Variants in UBR3 observed in about 807,000 individuals in gnomAD.
UBR3 encodes the protein ubiquitin protein ligase E3 component n-recognin 3.
Under a neutral mutation model 243.2 loss-of-function variants are expected in UBR3, and 85 were observed. That is an observed-to-expected ratio of 0.35 (90% confidence interval 0.29 to 0.42). The LOEUF is 0.42. Ranked by LOEUF, UBR3 falls within the 10% of genes least tolerant of loss-of-function variation. The probability of loss-of-function intolerance (pLI) is 1.00; values close to 1 mark genes in which losing one functional copy is unlikely to be tolerated. For synonymous variants in UBR3, 748 were observed against 799.8 expected, an observed-to-expected ratio of 0.94 and a Z score of 1.09; for missense variants, 1,686 against 2,300.8, an observed-to-expected ratio of 0.73 and a Z score of 5.47.
chr2:169,864,926 A>G (rs867820918), intron 1 of UBR3, among the ~76,000 whole-genome samples: 38 of 150,214 alleles, frequency 2.5e-4, no homozygotes, highest in African/African-American at 4.6e-4. Context: ...AAAAAAAAAA[A>G]AAAGAAAGAA....
At chr2:169,883,930 T>C (rs527356685) in intron 5 of UBR3, among the ~76,000 whole-genome samples, 1 of 152,142 alleles carries the variant, frequency 6.6e-6, no homozygotes, top group East Asian at 1.9e-4. Context: ...CTTCCCAGGT[T>C]CAAGTGATTC....
intron 19 of UBR3, among the ~76,000 whole-genome samples, chr2:169,940,771 C>A (rs891527217): frequency 6.6e-6 from 1 of 152,282 alleles, no homozygotes; most frequent in South Asian, 2.1e-4. Context: ...CAGTTGTCCC[C>A]TCTTATCTGT....
intron 27 of UBR3, among the ~76,000 whole-genome samples, chr2:170,001,872 C>A (rs1414595085): frequency 7.9e-6 from 1 of 126,912 alleles, no homozygotes; most frequent in Non-Finnish European, 1.6e-5. Context: ...GAGGTTGCAC[C>A]ACTGCACTCC....
rs140302002 is a variant in UBR3 at position 170,046,515 on chromosome 2, G to A, written c.4660+5530G>A. On this transcript the variant is annotated intron_variant, in intron 32 of 38. Coordinates refer to ENST00000272793, the MANE Select transcript of UBR3 (RefSeq NM_172070.4). Reference sequence around the variant, plus strand: ...CTTCTGTCCCTGTGTGTGTCCTACAGACTGGCAGATAGATTTAGATGGAAT... The same window carrying A: ...CTTCTGTCCCTGTGTGTGTCCTACAAACTGGCAGATAGATTTAGATGGAAT... Among the ~76,000 whole-genome samples the A allele has an allele frequency of 4.0e-4, 61 of 152,236 alleles. No homozygotes were observed. The East Asian group carries it at 9.5e-3, about 24-fold the overall frequency.
At chr2:169,836,438 A>G (rs918321102) in intron 1 of UBR3, among the ~76,000 whole-genome samples, 2 of 151,848 alleles carry the variant, frequency 1.3e-5, no homozygotes, top group African/African-American at 4.8e-5. Flanking sequence ...GGTGTTAATG[A>G]GAACACATGG....
intron 5 of UBR3, among the ~76,000 whole-genome samples, chr2:169,885,471 C>T (rs1248461533): frequency 1.3e-5 from 2 of 151,946 alleles, no homozygotes; most frequent in Admixed American, 6.6e-5. Flanking sequence ...ATCCTAGCTC[C>T]GGAGGTTGAG....
intron 1 of UBR3, among the ~76,000 whole-genome samples, chr2:169,870,365 G>A (rs867537917): frequency 2.6e-5 from 4 of 152,136 alleles, no homozygotes; most frequent in African/African-American, 4.8e-5. Context: ...CTGGCCTCAA[G>A]TGATCCTTCA....
intron 20 of UBR3, among the ~76,000 whole-genome samples, chr2:169,945,884 A>C (rs559756151): frequency 6.6e-6 from 1 of 152,244 alleles, no homozygotes; most frequent in South Asian, 2.1e-4. Context: ...AGCTACTCAA[A>C]ATACTCAGAG....
chr2:169,994,310 T>C lies in UBR3; in HGVS notation c.3785-13T>C, dbSNP rs375726661. ...ATTATTTTTGATTAATGAGCTTTTA[T>C]CTGTTAATGTAGTTTTGGGGCAGTG... is the stretch of plus-strand genomic sequence containing the variant. On this transcript the variant is annotated splice_polypyrimidine_tract_variant and intron_variant, in intron 25 of 38. Coordinates refer to ENST00000272793, the MANE Select transcript of UBR3 (RefSeq NM_172070.4). 2 of 1,613,464 alleles carry C rather than the reference T, an allele frequency of 1.2e-6. No individual in the cohort carries two copies. Among genetic ancestry groups the C allele is most frequent in the Non-Finnish European group, 1.7e-6 (2 of 1,179,620 alleles).
At chr2:169,892,071 G>A (rs146167462) in intron 6 of UBR3, among the ~76,000 whole-genome samples, 1 of 152,166 alleles carries the variant, frequency 6.6e-6, no homozygotes, top group Admixed American at 6.5e-5. Context: ...ATCTAGGACT[G>A]CCTAGAAAGG....
intron 17 of UBR3, among the ~76,000 whole-genome samples, chr2:169,928,304 A>G (rs768536514): frequency 1.3e-4 from 20 of 151,954 alleles, no homozygotes; most frequent in Non-Finnish European, 2.5e-4. Context: ...TTCTTTGGGG[A>G]TGAAATTTTG....
intron 25 of UBR3, 95 bp from the exon 26 acceptor site, chr2:169,994,228 T>C (rs1461959): frequency 1 from 1,366,685 of 1,372,342 alleles, 680,687 homozygotes; most frequent in East Asian, 1. Context: ...TGAAATAATT[T>C]GAGTTGCTTG....
chr2:170,068,493 C>T (rs750991887), intron 35 of UBR3, among the ~76,000 whole-genome samples: 1 of 151,862 alleles, frequency 6.6e-6, no homozygotes, highest in Non-Finnish European at 1.5e-5. Flanking sequence ...TGAACGAACG[C>T]ATAAAAATTA....
chr2:170,006,448 T>G (rs2105404219), intron 27 of UBR3, among the ~76,000 whole-genome samples: 1 of 152,320 alleles, frequency 6.6e-6, no homozygotes, highest in South Asian at 2.1e-4. Context: ...TCAAAGTACT[T>G]GAGATGCAAG....
chr2:169,972,279 A>G (rs1042234148), intron 24 of UBR3, among the ~76,000 whole-genome samples: 1 of 152,186 alleles, frequency 6.6e-6, no homozygotes, highest in Non-Finnish European at 1.5e-5. Flanking sequence ...TCAATAGTTT[A>G]CCAACCAAAA....
At chr2:169,923,903 T>C (rs1371992532) in intron 11 of UBR3, 26 bp from the exon 12 acceptor site, 2 of 1,521,346 alleles carry the variant, frequency 1.3e-6, no homozygotes, top group Non-Finnish European at 1.8e-6. Context: ...AGTCTTTGAC[T>C]TGTGCATTTT....
intron 5 of UBR3, among the ~76,000 whole-genome samples, chr2:169,881,736 TTA>T (rs2083842818): frequency 7.2e-6 from 1 of 139,702 alleles, no homozygotes. Flanking sequence ...ATATTATATA[TTA>T]TATAATATAT....
chr2:169,881,697 TATA>T (rs1460031467), intron 5 of UBR3, among the ~76,000 whole-genome samples: 1 of 135,374 alleles, frequency 7.4e-6, no homozygotes, highest in African/African-American at 2.8e-5. Context: ...CATATATACA[TATA>T]TAATTATATA....
At chr2:170,080,132 A>C (rs1180013570) in intron 37 of UBR3, 109 bp downstream of exon 37, 6 of 995,020 alleles carry the variant, frequency 6.0e-6, no homozygotes, top group Non-Finnish European at 8.8e-6. Flanking sequence ...AGTATATAAT[A>C]CATATAGGGA....
Sources: gnomAD v4.1 joint callset for allele counts (sites outside exome capture counted in the v4.1 genomes callset) on GRCh38, gnomAD v4.1.1 for gene constraint, MANE v1.5 for transcripts, NCBI Gene and HGNC (gene_info 2026-07-23, HGNC 2026-07-21) for gene names.